The following AGAP1 variants were observed in gnomAD, a reference collection of about 807,000 sequenced individuals.
The protein encoded by AGAP1 is ArfGAP with GTPase domain, ankyrin repeat and PH domain 1, also known as arf-GAP with GTPase, ANK repeat and PH domain-containing protein 1.
AGAP1 carries 29 observed loss-of-function variants against 105.3 expected under a neutral mutation model. That is an observed-to-expected ratio of 0.28 (90% CI 0.21 to 0.38). The LOEUF (loss-of-function observed/expected upper bound fraction) is 0.38, where lower values mean the gene tolerates loss of function less well. Among genes scored for constraint, AGAP1 ranks in the 10% least tolerant of loss-of-function variants. AGAP1 has a pLI of 1.00. For synonymous variants in AGAP1, 509 were observed against 485.9 expected (o/e 1.05, Z -0.63); for missense variants, 998 against 1,165.1 (o/e 0.86, Z 2.09).
intron 9 of AGAP1, among the ~76,000 whole-genome samples, chr2:235,841,613 A>C (rs770835539): frequency 5.9e-5 from 9 of 152,212 alleles, no homozygotes; most frequent in Non-Finnish European, 1.0e-4. Flanking sequence ...GTGAGCTGTG[A>C]GAGAGCAAGA....
intron 1 of AGAP1, among the ~76,000 whole-genome samples, chr2:235,606,120 C>T (rs1287773605): frequency 2.0e-5 from 3 of 152,194 alleles, no homozygotes; most frequent in East Asian, 1.9e-4. Flanking sequence ...TTCCCAAGAT[C>T]GGCCATTTCC....
At chr2:235,636,993 C>A (rs568260284) in intron 1 of AGAP1, among the ~76,000 whole-genome samples, 1 of 152,146 alleles carries the variant, frequency 6.6e-6, no homozygotes, top group Admixed American at 6.5e-5. Context: ...CCTCCCTCAC[C>A]GCCCCTAAAG....
intron 5 of AGAP1, among the ~76,000 whole-genome samples, chr2:235,749,470 T>C (rs1953248411): frequency 6.6e-6 from 1 of 151,970 alleles, no homozygotes; most frequent in Non-Finnish European, 1.5e-5. Flanking sequence ...ACACATGACT[T>C]AGATTGGGGG....
At chr2:235,997,063 A>T (rs1484149854) in intron 13 of AGAP1, among the ~76,000 whole-genome samples, 1 of 152,176 alleles carries the variant, frequency 6.6e-6, no homozygotes, top group Non-Finnish European at 1.5e-5. Flanking sequence ...AGGTACATAG[A>T]TACATGCATA....
rs971041379 is a variant in AGAP1, at chr2:235,875,078, C to T, written c.1051-8267C>T. Among the ~76,000 whole-genome samples the T allele has an allele frequency of 2.0e-5, 3 of 152,154 alleles. No homozygotes were observed. The highest frequency in any genetic ancestry group is 3.9e-4 in the East Asian group (2 of 5,174). On this transcript the variant is annotated intron_variant, in intron 9 of 17. Transcript: ENST00000304032. This position sits in a 1 kb window ranked among gnomAD's most constrained non-coding sequence, Gnocchi z 4.0. ...AGGCCAAAGGCAGTATTCCTGGGGT[C>T]CTGGGATGGAGAGAGCCCTGTCACC...
intron 16 of AGAP1, among the ~76,000 whole-genome samples, chr2:236,064,959 T>C (rs2058306175): frequency 1.3e-5 from 2 of 152,236 alleles, no homozygotes; most frequent in African/African-American, 4.8e-5. Flanking sequence ...TACTTTTTCA[T>C]TGTTTTCTTT....
Position 235,614,249 on chromosome 2 carries a change from G to T in AGAP1, c.164-94930G>T, listed in dbSNP as rs1235684499. 6.6e-6 allele frequency among the ~76,000 whole-genome samples: 1 copy of T among 152,174 alleles called. No individual in the cohort carries two copies. Among genetic ancestry groups the T allele is most frequent in the African/African-American group, 2.4e-5 (1 of 41,450 alleles). ...TCACCCCATAATCATACAGTTAGCA[G>T]TGTGGCCAGCGTCACTTAAAGCGGG... is the stretch of plus-strand genomic sequence containing the variant. On this transcript the variant is annotated intron_variant, in intron 1 of 17. Coordinates refer to ENST00000304032, the MANE Select transcript of AGAP1 (RefSeq NM_001037131.3). The surrounding 1 kb of genome is among the most constrained non-coding windows in gnomAD (Gnocchi z 4.7).
intron 2 of AGAP1, among the ~76,000 whole-genome samples, chr2:235,709,576 T>C (rs1372875891): frequency 6.6e-6 from 1 of 151,826 alleles, no homozygotes; most frequent in African/African-American, 2.4e-5. Context: ...CTTTGCAGGA[T>C]GTCACGGAAG....
At chr2:235,651,787 T>C (rs1254759892) in intron 1 of AGAP1, among the ~76,000 whole-genome samples, 1 of 152,208 alleles carries the variant, frequency 6.6e-6, no homozygotes, top group Admixed American at 6.5e-5. Flanking sequence ...TCTAGGAATC[T>C]AAGCTAAAGA....
Position 236,014,219 on chromosome 2 carries a change from T to G in AGAP1, c.1646-22342T>G, listed in dbSNP as rs544521991. ...CCCCCGAGTGTCAAAGAGAATAGAC[T>G]CCTCCCTCCAGGACAGCAGAATGGC... On this transcript the variant is annotated intron_variant, in intron 13 of 17. Coordinates refer to ENST00000304032, the MANE Select transcript of AGAP1 (RefSeq NM_001037131.3). The surrounding 1 kb of genome is among the most constrained non-coding windows in gnomAD (Gnocchi z 6.3). Among the ~76,000 whole-genome samples, 3 of 152,236 alleles carry G rather than the reference T, an allele frequency of 2.0e-5. No individual in the cohort carries two copies. The highest frequency in any genetic ancestry group is 7.2e-5 in the African/African-American group (3 of 41,576).
chr2:235,596,785 G>T lies in AGAP1; in HGVS notation c.163+101936G>T, dbSNP rs927065025. 1.3e-5 allele frequency among the ~76,000 whole-genome samples: 2 copies of T among 152,168 alleles called. No homozygotes were observed. The highest frequency in any genetic ancestry group is 4.8e-5 in the African/African-American group (2 of 41,438). On this transcript the variant is annotated intron_variant, in intron 1 of 17. Coordinates refer to ENST00000304032, the MANE Select transcript of AGAP1 (RefSeq NM_001037131.3). This position sits in a 1 kb window ranked among gnomAD's most constrained non-coding sequence, Gnocchi z 5.9. Reference sequence around the variant, plus strand: ...GATGTTTCCCAAGGCCGGGGCTGTCGACTGAATTGTGTCCCTGCAACCCCG... The same window carrying T: ...GATGTTTCCCAAGGCCGGGGCTGTCTACTGAATTGTGTCCCTGCAACCCCG...
At position 236,003,581 on chromosome 2, in the gene AGAP1, A is replaced by G. The variant is rs1576028666; in HGVS notation, c.1646-32980A>G. Reference sequence around the variant, plus strand: ...TGCGCTGCTGCTGCCCGCATGGGGTACCCTTAAGTCCCACATCCAAGCTCC... The same window carrying G: ...TGCGCTGCTGCTGCCCGCATGGGGTGCCCTTAAGTCCCACATCCAAGCTCC... On this transcript the variant is annotated intron_variant, in intron 13 of 17. Transcript: ENST00000304032. The surrounding 1 kb of genome is among the most constrained non-coding windows in gnomAD (Gnocchi z 4.2). 6.6e-6 allele frequency among the ~76,000 whole-genome samples: 1 copy of G among 152,098 alleles called. No homozygotes were observed. Among genetic ancestry groups the G allele is most frequent in the South Asian group, 2.1e-4 (1 of 4,824 alleles).
Position 235,879,479 on chromosome 2 carries a change from A to G in AGAP1, c.1051-3866A>G, listed in dbSNP as rs116543810. Among the ~76,000 whole-genome samples the G allele has an allele frequency of 8.9e-3, 1,361 of 152,360 alleles. 21 individuals carry two copies. Among genetic ancestry groups the G allele is most frequent in the African/African-American group, 0.032 (1,319 of 41,594 alleles). ...CTTACGCAGCATTTGAATAGTGCCTATAATCCAAGATTATCCCCCCTGGCA... is the reference window on the plus strand; with the variant it reads ...CTTACGCAGCATTTGAATAGTGCCTGTAATCCAAGATTATCCCCCCTGGCA... On this transcript the variant is annotated intron_variant, in intron 9 of 17. Coordinates refer to ENST00000304032, the MANE Select transcript of AGAP1 (RefSeq NM_001037131.3). The surrounding 1 kb of genome is among the most constrained non-coding windows in gnomAD (Gnocchi z 5.0).
chr2:235,809,191 C>G (rs180808672), intron 9 of AGAP1, among the ~76,000 whole-genome samples: 69 of 152,152 alleles, frequency 4.5e-4, no homozygotes, highest in African/African-American at 1.6e-3. Flanking sequence ...AACCTTCATT[C>G]AATTTGTACC....
intron 1 of AGAP1, among the ~76,000 whole-genome samples, chr2:235,693,247 A>G (rs563212407): frequency 5.1e-4 from 78 of 152,214 alleles, no homozygotes; most frequent in African/African-American, 1.9e-3. Context: ...CAAAGGGTTC[A>G]AGGGTCCTGA....
chr2:236,089,089 G>A lies in AGAP1; in HGVS notation c.2115-31103G>A, dbSNP rs2058998486. ...GGAGTAGAAAAAGTGGGATGCCACA[G>A]TTGCGGCAGAGAATATCCAAAAGGA... is the stretch of plus-strand genomic sequence containing the variant. On this transcript the variant is annotated intron_variant, in intron 16 of 17. Transcript: ENST00000304032. This position sits in a 1 kb window ranked among gnomAD's most constrained non-coding sequence, Gnocchi z 5.6. Among the ~76,000 whole-genome samples the A allele has an allele frequency of 6.6e-6, 1 of 152,198 alleles. No homozygotes were observed. Among genetic ancestry groups the A allele is most frequent in the African/African-American group, 2.4e-5 (1 of 41,452 alleles).
intron 6 of AGAP1, among the ~76,000 whole-genome samples, chr2:235,778,118 T>C (rs950784404): frequency 2.0e-5 from 3 of 152,172 alleles, no homozygotes; most frequent in Non-Finnish European, 4.4e-5. Flanking sequence ...GGGCCCCAGC[T>C]GGGTGGCCCC....
chr2:235,561,281 C>T (rs1315318389), intron 1 of AGAP1, among the ~76,000 whole-genome samples: 1 of 152,124 alleles, frequency 6.6e-6, no homozygotes, highest in Non-Finnish European at 1.5e-5. Flanking sequence ...TTTAAACTGC[C>T]CACAAACAAA....
rs1320600730 is a variant in AGAP1, at chr2:235,586,191, G to C, written c.163+91342G>C. 4.6e-5 allele frequency among the ~76,000 whole-genome samples: 7 copies of C among 152,168 alleles called. No homozygotes were observed. Among genetic ancestry groups the C allele is most frequent in the Non-Finnish European group, 1.0e-4 (7 of 68,036 alleles). On this transcript the variant is annotated intron_variant, in intron 1 of 17. Transcript: ENST00000304032. The surrounding 1 kb of genome is among the most constrained non-coding windows in gnomAD (Gnocchi z 4.2). ...TAAGTCAACACTACCTTGTGTGTGT[G>C]CGCATACACACAAAGAGGGTGAGCC...
Sources: allele counts gnomAD v4.1 joint callset (sites outside exome capture counted in the v4.1 genomes callset), GRCh38; gene constraint gnomAD v4.1.1; non-coding constraint Gnocchi (gnomAD v3.1); transcripts MANE v1.5; gene names NCBI Gene and HGNC (gene_info 2026-07-23, HGNC 2026-07-21).